The following MTSS2 variants were observed in gnomAD, a reference collection of about 807,000 sequenced individuals.
MTSS2 encodes the protein protein MTSS 2.
Under a neutral mutation model 67.1 loss-of-function variants are expected in MTSS2, and 27 were observed. That is an observed-to-expected ratio of 0.40 (90% CI 0.30 to 0.55). The LOEUF (loss-of-function observed/expected upper bound fraction) is 0.55. MTSS2 is among the 20% of genes least tolerant of loss of function. The pLI is 0.43. For synonymous variants in MTSS2, 624 were observed against 468.6 expected (o/e 1.33, Z -4.28); for missense variants, 1,171 against 1,067.8 (o/e 1.10, Z -1.35).
chr16:70,673,215 C>G (rs2053000524), intron 11 of MTSS2, among the ~76,000 whole-genome samples: 1 of 151,956 alleles, frequency 6.6e-6, no homozygotes, highest in Admixed American at 6.6e-5. Context: ...ATTCCAAGGA[C>G]AAATGAAAGA....
At chr16:70,680,918 G>GGGGGGGGGGGGGGGGGGCGCCCCCCC in intron 2 of MTSS2, 46 bp downstream of exon 2, 1 of 1,097,934 alleles carries the variant, frequency 9.1e-7, no homozygotes, top group Non-Finnish European at 1.3e-6. Flanking sequence ...CGGGGGGGGG[G>GGGGGGGGGGGGGGGGGGCGCCCCCCC]CCTCTGCCTG....
At chr16:70,681,795 G>A (rs915282841) in intron 1 of MTSS2, among the ~76,000 whole-genome samples, 1 of 152,240 alleles carries the variant, frequency 6.6e-6, no homozygotes, top group African/African-American at 2.4e-5. Context: ...CGGGCTCCTG[G>A]CCACCGAGTT....
At chr16:70,675,806 C>T (rs1045422606) in intron 10 of MTSS2, among the ~76,000 whole-genome samples, 6 of 152,182 alleles carry the variant, frequency 3.9e-5, no homozygotes, top group Admixed American at 2.6e-4. Flanking sequence ...GGTGTGTGTG[C>T]GTACAGAGGT....
chr16:70,668,308 C>T, intron 11 of MTSS2, among the ~76,000 whole-genome samples: 1 of 151,544 alleles, frequency 6.6e-6, no homozygotes, highest in East Asian at 1.9e-4. Flanking sequence ...ACTCAGGAGG[C>T]TGAGGCATGA....
intron 11 of MTSS2, among the ~76,000 whole-genome samples, chr16:70,673,412 C>G (rs750047114): frequency 2.0e-5 from 3 of 152,174 alleles, no homozygotes; most frequent in Non-Finnish European, 2.9e-5. Context: ...AAAATACCTT[C>G]ACAGTGTGGA....
At chr16:70,669,072 G>C (rs1338609265) in intron 11 of MTSS2, among the ~76,000 whole-genome samples, 38 of 152,028 alleles carry the variant, frequency 2.5e-4, no homozygotes, top group Admixed American at 2.5e-3. Flanking sequence ...AAAACCAAAA[G>C]GCTTTTAGAG....
Position 70,663,305 on chromosome 16 carries a change from A to T in MTSS2, c.*372T>A. The T allele has an allele frequency of 4.3e-6, 1 of 230,906 alleles. No individual in the cohort carries two copies. Among genetic ancestry groups the T allele is most frequent in the Non-Finnish European group, 8.4e-6 (1 of 118,880 alleles). The allele number at this position is 230,906 out of a possible 1,614,324, so 14.3% of individuals were successfully genotyped here. ...TTCCAGGAGGAGCTGAGGCAGGACC[A>T]GCCCTGGGAGAGGCCGGGATGGTGA... On this transcript the variant is annotated 3_prime_UTR_variant, in exon 15 of 15. Coordinates refer to ENST00000338779, the MANE Select transcript of MTSS2 (RefSeq NM_138383.3).
chr16:70,672,138 A>T (rs57436617), intron 11 of MTSS2, among the ~76,000 whole-genome samples: 4 of 152,084 alleles, frequency 2.6e-5, no homozygotes, highest in African/African-American at 9.7e-5. Context: ...ACCTGAGGTC[A>T]GGAATTCGAG....
At position 70,664,781 on chromosome 16, in the gene MTSS2, C is replaced by T. The variant is rs2052638543; in HGVS notation, c.1306-18G>A. 1 of 1,595,548 alleles carries T rather than the reference C, an allele frequency of 6.3e-7. No homozygotes were observed. The highest frequency in any genetic ancestry group is 2.3e-5 in the East Asian group (1 of 44,244). On this transcript the variant is annotated intron_variant, in intron 13 of 14. Transcript: ENST00000338779. Reference sequence around the variant, plus strand: ...TCACCGTGCTGAGGGTGGGAAAGTGCAGGCTGAAGCCTTGCGCCCCCAATC... The same window carrying T: ...TCACCGTGCTGAGGGTGGGAAAGTGTAGGCTGAAGCCTTGCGCCCCCAATC...
chr16:70,664,440 T>TGCCAGC lies in MTSS2; in HGVS notation c.1480_1481insGCTGGC (p.Tyr494delinsCysTrpHis). On this transcript the variant is annotated protein_altering_variant, in exon 15 of 15. Coordinates refer to ENST00000338779, the MANE Select transcript of MTSS2 (RefSeq NM_138383.3). ...ATCCCCATTCACGGAGTAGCAGTCG[T>TGCCAGC]AGTCGGAGCCTGGGGGCACGGGACA... The TGCCAGC allele has an allele frequency of 6.5e-7, 1 of 1,538,036 alleles. No individual in the cohort carries two copies. Among genetic ancestry groups the TGCCAGC allele is most frequent in the Non-Finnish European group, 8.7e-7 (1 of 1,143,768 alleles).
intron 10 of MTSS2, 33 bp from the exon 11 acceptor site, chr16:70,674,561 A>T (rs1230556793): frequency 6.3e-7 from 1 of 1,583,980 alleles, no homozygotes; most frequent in East Asian, 2.2e-5. Flanking sequence ...CACAGCAGCC[A>T]GACAGGGAGA....
intron 9 of MTSS2, 123 bp downstream of exon 9, chr16:70,677,669 G>A (rs1413752096): frequency 1.4e-6 from 1 of 736,148 alleles, no homozygotes; most frequent in African/African-American, 1.8e-5. Context: ...AAGGGGTCTG[G>A]TCTTATGCCC....
Position 70,680,027 on chromosome 16 carries a change from G to T in MTSS2, c.234C>A (p.Leu78=). The part of the protein sequence containing the change: ...RGATRDIGSA[L]TRMCMRHRSI... ...TGCGGTGGCGCATGCACATGCGTGT[G>T]AGCGCCGAGCCGATGTCCCTCGTGG... Residue 78 remains leucine, a synonymous_variant, in exon 4 of 15, where the codon CTC becomes CTA. Transcript: ENST00000338779. 6.5e-7 allele frequency: 1 copy of T among 1,533,842 alleles called. No homozygotes were observed.
At chr16:70,667,765 C>T (rs28796574) in intron 11 of MTSS2, among the ~76,000 whole-genome samples, 9,086 of 151,970 alleles carry the variant, frequency 0.06, 876 homozygotes, top group African/African-American at 0.2. Flanking sequence ...TCCAGCTACT[C>T]GGGAGGCTGA....
chr16:70,684,919 A>G (rs1335864653), intron 1 of MTSS2, among the ~76,000 whole-genome samples: 1 of 152,136 alleles, frequency 6.6e-6, no homozygotes, highest in Non-Finnish European at 1.5e-5. Flanking sequence ...TAGTCTCCTT[A>G]GTGACCTTGA....
At chr16:70,675,152 G>T (rs930656200) in intron 10 of MTSS2, among the ~76,000 whole-genome samples, 1 of 151,420 alleles carries the variant, frequency 6.6e-6, no homozygotes, top group Non-Finnish European at 1.5e-5. Context: ...CTGTCTGGGC[G>T]TGGTGGCTCA....
chr16:70,664,274 C>CGTGGGCAGCCCCGCG lies in MTSS2; in HGVS notation c.1632_1646dup (p.Gly546_Ala550dup), dbSNP rs546493852. ...GTGCGCCCGAGGGCAGGCCAGTGGC[C>CGTGGGCAGCCCCGCG]GTGGGCAGCCCCGCGGTGGGCAGCC... On this transcript the variant is annotated inframe_insertion, in exon 15 of 15. Coordinates refer to ENST00000338779, the MANE Select transcript of MTSS2 (RefSeq NM_138383.3). 144 of 1,557,396 alleles carry CGTGGGCAGCCCCGCG rather than the reference C, an allele frequency of 9.2e-5. No individual in the cohort carries two copies. The highest frequency in any genetic ancestry group is 6.9e-4 in the Middle Eastern group (4 of 5,796).
At chr16:70,683,240 G>T (rs1218162847) in intron 1 of MTSS2, among the ~76,000 whole-genome samples, 1 of 152,198 alleles carries the variant, frequency 6.6e-6, no homozygotes, top group Non-Finnish European at 1.5e-5. Flanking sequence ...CCTGGGCAAG[G>T]GCCCCCTGTC....
intron 11 of MTSS2, among the ~76,000 whole-genome samples, chr16:70,666,022 T>G (rs1324901610): frequency 6.6e-6 from 1 of 152,036 alleles, no homozygotes; most frequent in African/African-American, 2.4e-5. Context: ...ATAAGCTGAG[T>G]GCAGGGAGAA....
Sources: allele counts gnomAD v4.1 joint callset (sites outside exome capture counted in the v4.1 genomes callset), GRCh38; gene constraint gnomAD v4.1.1; transcripts MANE v1.5; gene names NCBI Gene and HGNC (gene_info 2026-07-23, HGNC 2026-07-21).